Variants in CLUL1 observed in about 807,000 individuals in gnomAD.
CLUL1 encodes the protein clusterin like 1.
CLUL1 carries 43 observed loss-of-function variants against 49.4 expected under a neutral mutation model. The observed-to-expected ratio is 0.87, with a 90% CI of 0.68 to 1.12. The LOEUF (loss-of-function observed/expected upper bound fraction) is 1.12, where lower values mean the gene tolerates loss of function less well. Ranked by LOEUF, CLUL1 falls within the 50% of genes most tolerant of loss-of-function variation. The pLI, the probability that CLUL1 is intolerant of heterozygous loss-of-function variation, is 0.00. For missense variants in CLUL1, 486 were observed against 544.4 expected (o/e 0.89, Z 1.07); for synonymous variants, 192 against 184.9 (o/e 1.04, Z -0.31).
At chr18:624,319 C>G (rs1265824151) in intron 4 of CLUL1, among the ~76,000 whole-genome samples, 3 of 151,942 alleles carry the variant, frequency 2.0e-5, no homozygotes, top group Non-Finnish European at 4.4e-5. Flanking sequence ...TGCAGAGATG[C>G]CATCCTGCGT....
At chr18:626,948 AAGGAAGGAAGGAAGGAAG>A (rs2073789493) in intron 5 of CLUL1, 131 bp from the exon 6 acceptor site, 1 of 5,890 alleles carries the variant, frequency 1.7e-4, no homozygotes, top group African/African-American at 5.5e-4. Flanking sequence ...GGAAAGAAGG[AAGGAAGGAAGGAAGGAAG>A]GAAGGAAGGA....
intron 2 of CLUL1, 119 bp from the exon 3 acceptor site, chr18:617,869 T>C: frequency 2.6e-6 from 2 of 775,690 alleles, no homozygotes; most frequent in Non-Finnish European, 4.3e-6. Flanking sequence ...ATAAGTTGTC[T>C]AAAGTCATAA....
chr18:603,034 G>A (rs905799093), intron 1 of CLUL1, among the ~76,000 whole-genome samples: 4 of 152,186 alleles, frequency 2.6e-5, no homozygotes, highest in Admixed American at 1.3e-4. Flanking sequence ...TTTGAGCAAA[G>A]AGGTACATGC....
chr18:633,839 GGCGGAGCGT>G (rs2074062610), intron 7 of CLUL1, among the ~76,000 whole-genome samples: 1 of 115,828 alleles, frequency 8.6e-6, no homozygotes, highest in African/African-American at 3.6e-5. Context: ...AATGAATCAG[GGCGGAGCGT>G]GTAATCGGAA....
At chr18:626,863 A>AGAAAGAAAGAAAGAAAGAAAG (rs1567966220) in intron 5 of CLUL1, among the ~76,000 whole-genome samples, 1 of 94,016 alleles carries the variant, frequency 1.1e-5, no homozygotes, top group Non-Finnish European at 2.3e-5. Flanking sequence ...TCCATCTCAA[A>AGAAAGAAAGAAAGAAAGAAAG]TAAGAAAGAA....
At chr18:612,911 G>C (rs2073182125) in intron 2 of CLUL1, 2 of 174,000 alleles carry the variant, frequency 1.1e-5, no homozygotes, top group African/African-American at 4.7e-5. Context: ...CACTATTCTG[G>C]GTAAAATGGA....
intron 7 of CLUL1, among the ~76,000 whole-genome samples, chr18:637,745 C>A (rs980247008): frequency 3.9e-5 from 6 of 152,072 alleles, no homozygotes; most frequent in Non-Finnish European, 8.8e-5. Context: ...AAGGCCGAGG[C>A]GGGCGGATCA....
chr18:599,975 T>G (rs1006627359), intron 1 of CLUL1, among the ~76,000 whole-genome samples: 1 of 152,006 alleles, frequency 6.6e-6, no homozygotes, highest in African/African-American at 2.4e-5. Flanking sequence ...AATAATAATT[T>G]AAACCCGAAG....
At position 627,450 on chromosome 18, in the gene CLUL1, T is replaced by C. The variant is rs2073844344; in HGVS notation, c.777T>C (p.Ser259=). The change falls in exon 6 of 10, where the codon AGT becomes AGC. Residue 259 remains serine, a synonymous_variant. Transcript: ENST00000692774. ...PNFFQLFCNF[S]VSIYESVSET... is the part of the protein sequence containing the mutation. ...TCTTCCAGCTGTTTTGTAATTTCAG[T>C]GTCTCTATTTATGAAAGTGTCAGTG... 1 of 1,613,778 alleles carries C rather than the reference T, an allele frequency of 6.2e-7. No individual in the cohort carries two copies. The highest frequency in any genetic ancestry group is 1.7e-5 in the Admixed American group (1 of 60,004).
At chr18:637,677 G>C (rs1435468982) in intron 7 of CLUL1, among the ~76,000 whole-genome samples, 1 of 152,078 alleles carries the variant, frequency 6.6e-6, no homozygotes, top group East Asian at 1.9e-4. Flanking sequence ...GAGCAGTTGA[G>C]AGTGCTCTTT....
At position 650,093 on chromosome 18, in the gene CLUL1, A is replaced by C. The variant is rs2074635266; in HGVS notation, c.*192A>C. The C allele has an allele frequency of 2.3e-6, 1 of 443,358 alleles. No homozygotes were observed. The highest frequency in any genetic ancestry group is 4.0e-6 in the Non-Finnish European group (1 of 248,568). 27.5% of individuals were successfully genotyped at this position (443,358 alleles called of 1,614,324 possible). ...TAATACTCAAATTGAGTTAAAATGA[A>C]AATTCCTCCTTAAAAAATCAAACGT... On this transcript the variant is annotated 3_prime_UTR_variant, in exon 10 of 10. Transcript: ENST00000692774.
At chr18:645,810 A>AAAAAATATATATATATAT (rs1451607900) in intron 9 of CLUL1, among the ~76,000 whole-genome samples, 1 of 29,872 alleles carries the variant, frequency 3.3e-5, no homozygotes, top group Non-Finnish European at 5.8e-5. Context: ...AAAAAAAAAA[A>AAAAAATATATATATATAT]ATATATATAT....
At position 619,210 on chromosome 18, in the gene CLUL1, TA is replaced by T. The variant is rs1171050404; in HGVS notation, c.107-2del. 1 of 1,610,428 alleles carries T rather than the reference TA, an allele frequency of 6.2e-7. No individual in the cohort carries two copies. The highest frequency in any genetic ancestry group is 1.7e-5 in the Admixed American group (1 of 58,830). On this transcript the variant is annotated splice_acceptor_variant, in intron 3 of 9. Transcript: ENST00000692774. LOFTEE classifies it high-confidence loss of function. ...AAAGAAAAAATTGCCACATGTCTTT[TA>T]GGTTTTTCTGAGGTGGGGGAGATAG... is the stretch of plus-strand genomic sequence containing the variant.
At chr18:604,629 T>C (rs913554265) in intron 1 of CLUL1, among the ~76,000 whole-genome samples, 2 of 152,206 alleles carry the variant, frequency 1.3e-5, no homozygotes, top group African/African-American at 2.4e-5. Flanking sequence ...ACTATGAACT[T>C]AAAATCTAAA....
chr18:645,806 AAAAAATATATATATATAT>A (rs1248526227), intron 9 of CLUL1, among the ~76,000 whole-genome samples: 5 of 51,862 alleles, frequency 9.6e-5, no homozygotes, highest in Middle Eastern at 8.1e-3. Context: ...AAAAAAAAAA[AAAAAATATATATATATAT>A]ATATATATAT....
At chr18:620,862 A>T (rs201948129) in intron 4 of CLUL1, among the ~76,000 whole-genome samples, 43 of 152,222 alleles carry the variant, frequency 2.8e-4, no homozygotes, top group Non-Finnish European at 5.7e-4. Flanking sequence ...CAAAACAATG[A>T]CTTTTTTAAA....
intron 9 of CLUL1, among the ~76,000 whole-genome samples, chr18:649,103 A>G (rs2074601336): frequency 6.6e-6 from 1 of 152,140 alleles, no homozygotes; most frequent in South Asian, 2.1e-4. Context: ...CTTACTTGGT[A>G]TCATGGATAA....
intron 1 of CLUL1, among the ~76,000 whole-genome samples, chr18:603,214 G>A (rs1202657124): frequency 3.3e-5 from 5 of 152,154 alleles, no homozygotes; most frequent in South Asian, 2.1e-4. Flanking sequence ...CCAAGTCCCC[G>A]AGACAAACTG....
At chr18:602,754 A>G (rs1393399416) in intron 1 of CLUL1, among the ~76,000 whole-genome samples, 1 of 152,226 alleles carries the variant, frequency 6.6e-6, no homozygotes. Context: ...AAGTAAATGC[A>G]TCTTGAGCTG....
Sources: gnomAD v4.1 joint callset for allele counts (sites outside exome capture counted in the v4.1 genomes callset) on GRCh38, gnomAD v4.1.1 for gene constraint, MANE v1.5 for transcripts, NCBI Gene and HGNC (gene_info 2026-07-23, HGNC 2026-07-21) for gene names.